HS3ST4: variants seen among roughly 807,000 people sequenced by gnomAD.
HS3ST4 encodes the protein heparan sulfate glucosamine 3-O-sulfotransferase 4.
HS3ST4 carries 17 observed loss-of-function variants against 29.2 expected under a neutral mutation model. That is an observed-to-expected ratio of 0.58 (90% CI 0.40 to 0.87). The LOEUF (loss-of-function observed/expected upper bound fraction) is 0.87, where lower values mean the gene tolerates loss of function less well. HS3ST4 is among the 40% of genes least tolerant of loss of function. The probability of loss-of-function intolerance (pLI) is 0.00; values close to 1 mark genes in which losing one functional copy is unlikely to be tolerated. For missense variants in HS3ST4, 627 were observed against 634.5 expected (o/e 0.99, Z 0.13); for synonymous variants, 314 against 285.7 (o/e 1.10, Z -1.00).
intron 1 of HS3ST4, among the ~76,000 whole-genome samples, chr16:26,019,884 C>T (rs920109407): frequency 1.3e-5 from 2 of 152,176 alleles, no homozygotes; most frequent in African/African-American, 4.8e-5. Context: ...ACTCGCATCA[C>T]ACAGCCACCA....
chr16:26,036,430 T>C (rs1044013465), intron 1 of HS3ST4, among the ~76,000 whole-genome samples: 1 of 152,232 alleles, frequency 6.6e-6, no homozygotes, highest in African/African-American at 2.4e-5. Flanking sequence ...TTTCCTGGGA[T>C]CCAGCCTTGA....
chr16:25,747,703 G>A (rs1270671695), intron 1 of HS3ST4, among the ~76,000 whole-genome samples: 1 of 152,176 alleles, frequency 6.6e-6, no homozygotes, highest in Admixed American at 6.5e-5. Flanking sequence ...TTGTTTTCTA[G>A]CGATCACTAG....
intron 1 of HS3ST4, among the ~76,000 whole-genome samples, chr16:26,089,844 A>G (rs115484287): frequency 0.01 from 1,590 of 152,264 alleles, 20 homozygotes; most frequent in African/African-American, 0.037. Flanking sequence ...TGGTCTCTGC[A>G]ACTTTGGGTA....
chr16:25,976,913 A>C (rs1968949020), intron 1 of HS3ST4, among the ~76,000 whole-genome samples: 1 of 116,746 alleles, frequency 8.6e-6, no homozygotes, highest in Non-Finnish European at 1.8e-5. Context: ...TGAAATGTAA[A>C]TTGCATGTAA....
intron 1 of HS3ST4, among the ~76,000 whole-genome samples, chr16:25,893,906 C>T (rs892617094): frequency 2.6e-5 from 4 of 152,202 alleles, no homozygotes; most frequent in Admixed American, 6.5e-5. Flanking sequence ...CCTTTCTCTA[C>T]CTTGCCTTCT....
At chr16:26,017,993 A>G (rs1178371724) in intron 1 of HS3ST4, among the ~76,000 whole-genome samples, 1 of 152,188 alleles carries the variant, frequency 6.6e-6, no homozygotes, top group African/African-American at 2.4e-5. Flanking sequence ...ATTAGGAAGG[A>G]TTATAGGTGA....
chr16:25,710,833 T>TG (rs1324852517), intron 1 of HS3ST4, among the ~76,000 whole-genome samples: 9 of 136,874 alleles, frequency 6.6e-5, no homozygotes, highest in Non-Finnish European at 9.4e-5. Flanking sequence ...TTTTTTTTTT[T>TG]AATGACAGGA....
At chr16:25,859,228 A>G (rs532265529) in intron 1 of HS3ST4, among the ~76,000 whole-genome samples, 2 of 152,318 alleles carry the variant, frequency 1.3e-5, no homozygotes, top group East Asian at 1.9e-4. Context: ...TAAAAATACA[A>G]TGAGCTTCTT....
chr16:25,845,672 T>TAATAATAATA (rs1392400157), intron 1 of HS3ST4, among the ~76,000 whole-genome samples: 2 of 149,996 alleles, frequency 1.3e-5, no homozygotes, highest in African/African-American at 4.9e-5. Context: ...ATAATAATAA[T>TAATAATAATA]AATAATAATA....
At chr16:25,866,938 A>G (rs1299420320) in intron 1 of HS3ST4, among the ~76,000 whole-genome samples, 2 of 152,216 alleles carry the variant, frequency 1.3e-5, no homozygotes, top group African/African-American at 4.8e-5. Context: ...GGTTACAGTC[A>G]GAATCTCTAT....
At chr16:25,721,276 G>A (rs1966492342) in intron 1 of HS3ST4, among the ~76,000 whole-genome samples, 1 of 152,116 alleles carries the variant, frequency 6.6e-6, no homozygotes, top group Non-Finnish European at 1.5e-5. Flanking sequence ...TACAGGTGGG[G>A]GTTTAGGGGG....
intron 1 of HS3ST4, among the ~76,000 whole-genome samples, chr16:25,923,789 T>C (rs1968377540): frequency 6.6e-6 from 1 of 152,110 alleles, no homozygotes; most frequent in African/African-American, 2.4e-5. Context: ...TTCCAGTAAG[T>C]CAATATTTAC....
rs967098448 is a variant in HS3ST4 at position 26,098,474 on chromosome 16, T to G, written c.735-37138T>G. Reference sequence around the variant, plus strand: ...CTGGAAACCATCATTCTCAGCAAACTATCACAAGGACAGAAAACTGAACAC... The same window carrying G: ...CTGGAAACCATCATTCTCAGCAAACGATCACAAGGACAGAAAACTGAACAC... On this transcript the variant is annotated intron_variant, in intron 1 of 1. Coordinates refer to ENST00000331351, the MANE Select transcript of HS3ST4 (RefSeq NM_006040.3). Among the ~76,000 whole-genome samples the G allele has an allele frequency of 9.9e-5, 15 of 152,142 alleles. No homozygotes were observed. In the East Asian group the frequency reaches 2.9e-3, roughly 30 times the overall value.
At chr16:25,988,893 A>T (rs1222926783) in intron 1 of HS3ST4, among the ~76,000 whole-genome samples, 1 of 152,198 alleles carries the variant, frequency 6.6e-6, no homozygotes, top group Non-Finnish European at 1.5e-5. Context: ...TCAAAAAAAA[A>T]TTTAAAAATT....
rs78537987 is a variant in HS3ST4, at chr16:25,694,585, C to T, written c.734+1434C>T. Reference sequence around the variant, plus strand: ...TTAACTGGAAAATCAGTATTTATAACATCAGAAGCCATGGCTTCCAGTTTG... The same window carrying T: ...TTAACTGGAAAATCAGTATTTATAATATCAGAAGCCATGGCTTCCAGTTTG... On this transcript the variant is annotated intron_variant, in intron 1 of 1. Coordinates refer to ENST00000331351, the MANE Select transcript of HS3ST4 (RefSeq NM_006040.3). Among the ~76,000 whole-genome samples, 293 of 152,204 alleles carry T rather than the reference C, an allele frequency of 1.9e-3. 2 individuals carry two copies. The highest frequency in any genetic ancestry group is 6.7e-3 in the African/African-American group (279 of 41,516).
At chr16:25,894,504 T>G (rs1968040554) in intron 1 of HS3ST4, among the ~76,000 whole-genome samples, 1 of 151,640 alleles carries the variant, frequency 6.6e-6, no homozygotes, top group East Asian at 1.9e-4. Flanking sequence ...CTTTCTTTTT[T>G]TTTTTTTCAG....
intron 1 of HS3ST4, among the ~76,000 whole-genome samples, chr16:25,873,471 CATCTATCTCTCTATCTATCT>C (rs1286736172): frequency 0.012 from 1,080 of 90,898 alleles, 18 homozygotes; most frequent in African/African-American, 0.038. Flanking sequence ...CCCACCCATC[CATCTATCTCTCTATCTATCT>C]ATCTATCTAT....
intron 1 of HS3ST4, among the ~76,000 whole-genome samples, chr16:26,104,229 T>C (rs1899023452): frequency 6.6e-6 from 1 of 152,178 alleles, no homozygotes; most frequent in South Asian, 2.1e-4. Context: ...TAGCTAAGTC[T>C]GTCAAAGACG....
chr16:26,074,369 G>A (rs940926394), intron 1 of HS3ST4, among the ~76,000 whole-genome samples: 12 of 152,192 alleles, frequency 7.9e-5, no homozygotes, highest in African/African-American at 2.9e-4. Flanking sequence ...CAGGGACCTT[G>A]TGGCATGTTC....
Sources: gnomAD v4.1 joint callset for allele counts (sites outside exome capture counted in the v4.1 genomes callset) on GRCh38, gnomAD v4.1.1 for gene constraint, MANE v1.5 for transcripts, NCBI Gene and HGNC (gene_info 2026-07-23, HGNC 2026-07-21) for gene names.